ADARB1: variants seen among roughly 807,000 people sequenced by gnomAD.
ADARB1 encodes the protein adenosine deaminase RNA specific B1.
In ADARB1, 10 loss-of-function variants were observed where a neutral mutation model predicts 52.4. That is an observed-to-expected ratio of 0.19 (90% CI 0.12 to 0.32). The LOEUF is 0.32. ADARB1 is among the 10% of genes least tolerant of loss of function. The probability of loss-of-function intolerance (pLI) is 1.00; values close to 1 mark genes in which losing one functional copy is unlikely to be tolerated. For missense variants in ADARB1, 643 were observed against 922.3 expected (o/e 0.70, Z 3.92); for synonymous variants, 349 against 371.1 (o/e 0.94, Z 0.68).
chr21:45,135,832 C>T (rs1395336375), intron 2 of ADARB1, among the ~76,000 whole-genome samples: 1 of 152,186 alleles, frequency 6.6e-6, no homozygotes, highest in Non-Finnish European at 1.5e-5. Context: ...TCCTGGACTG[C>T]AGGTGGGCCC....
At chr21:45,127,803 C>T (rs1033106593) in intron 1 of ADARB1, among the ~76,000 whole-genome samples, 1 of 152,070 alleles carries the variant, frequency 6.6e-6, no homozygotes, top group Admixed American at 6.6e-5. Context: ...GTTTGCTTTT[C>T]AGGAAGAAAA....
chr21:45,225,276 G>A lies in ADARB1; in HGVS notation c.*3079G>A. On this transcript the variant is annotated 3_prime_UTR_variant, in exon 11 of 11. Coordinates refer to ENST00000348831, the MANE Select transcript of ADARB1 (RefSeq NM_001112.4). Reference sequence around the variant, plus strand: ...CCACCTTCCTCAGCTCTCATCACCTGGTCGTACGCCAGGCCCACCTCTTCC... The same window carrying A: ...CCACCTTCCTCAGCTCTCATCACCTAGTCGTACGCCAGGCCCACCTCTTCC... 1 of 1,159,886 alleles carries A rather than the reference G, an allele frequency of 8.6e-7. No homozygotes were observed. The highest frequency in any genetic ancestry group is 1.1e-6 in the Non-Finnish European group (1 of 942,596). The allele number at this position is 1,159,886 out of a possible 1,614,324, so 71.8% of individuals were successfully genotyped here. A position where few individuals can be genotyped will look rare whatever the true frequency, so the allele number is the denominator to read the frequency against.
Position 45,137,158 on chromosome 21 carries a change from A to G in ADARB1, c.-48+8585A>G, listed in dbSNP as rs183650467. On this transcript the variant is annotated intron_variant, in intron 2 of 10. Transcript: ENST00000348831. ...AAGACTGGTGTGTGTGTAAAAGGCA[A>G]GAAGTGAGAAGATTCACGTGTAGAT... 115 of 152,366 alleles carry G rather than the reference A, an allele frequency of 7.5e-4. 2 individuals are homozygous for G. Among genetic ancestry groups the G allele is most frequent in the Admixed American group, 7.5e-3 (115 of 15,306 alleles). The allele number at this position is 152,366 out of a possible 1,614,324, so 9.4% of individuals were successfully genotyped here.
Position 45,150,957 on chromosome 21 carries a change from G to A in ADARB1, c.-47-20653G>A, listed in dbSNP as rs144196909. Among the ~76,000 whole-genome samples, 332 of 152,344 alleles carry A rather than the reference G, an allele frequency of 2.2e-3. 2 individuals carry two copies. The highest frequency in any genetic ancestry group is 7.2e-3 in the African/African-American group (299 of 41,582). ...TTTTTACTTACAGGTCCTGAGCAGG[G>A]AGGGTGCCATGAGTCAGGAGGGCAG... is the stretch of plus-strand genomic sequence containing the variant. On this transcript the variant is annotated intron_variant, in intron 2 of 10. Transcript: ENST00000348831.
intron 2 of ADARB1, among the ~76,000 whole-genome samples, chr21:45,169,785 C>T (rs563296398): frequency 2.9e-4 from 44 of 152,364 alleles, no homozygotes; most frequent in Admixed American, 2.4e-3. Context: ...CTTGCCATCA[C>T]TTTGCCTGCA....
intron 8 of ADARB1, among the ~76,000 whole-genome samples, chr21:45,195,089 G>T (rs996386728): frequency 9.2e-5 from 14 of 152,168 alleles, no homozygotes; most frequent in Non-Finnish European, 1.9e-4. Flanking sequence ...CAGCAGTTCT[G>T]GTTTTGGGCC....
chr21:45,099,363 A>T (rs983621948), intron 1 of ADARB1, among the ~76,000 whole-genome samples: 2 of 152,116 alleles, frequency 1.3e-5, no homozygotes, highest in South Asian at 4.1e-4. Context: ...AAGCCTTTTT[A>T]AAAAAATAAT....
chr21:45,096,885 G>A (rs554945518), intron 1 of ADARB1, among the ~76,000 whole-genome samples: 6 of 152,244 alleles, frequency 3.9e-5, no homozygotes, highest in South Asian at 2.1e-4. Flanking sequence ...AACCACAGGC[G>A]CCTGCCACCA....
chr21:45,109,751 GCCCC>G (rs2087450661), intron 1 of ADARB1, among the ~76,000 whole-genome samples: 1 of 152,186 alleles, frequency 6.6e-6, no homozygotes, highest in Non-Finnish European at 1.5e-5. Flanking sequence ...ACGTCTTGAT[GCCCC>G]TCTTTCTGGA....
At chr21:45,193,990 T>C (rs2092365829) in intron 8 of ADARB1, among the ~76,000 whole-genome samples, 1 of 152,110 alleles carries the variant, frequency 6.6e-6, no homozygotes, top group East Asian at 1.9e-4. Context: ...CCAAAATCCA[T>C]ATGGAAATGC....
chr21:45,187,758 C>T (rs750396786), intron 8 of ADARB1, among the ~76,000 whole-genome samples: 30 of 152,298 alleles, frequency 2.0e-4, no homozygotes, highest in Middle Eastern at 6.8e-3. Flanking sequence ...GCTTTTTCTG[C>T]ATCAATTGAG....
chr21:45,193,144 AAC>A (rs1196210082), intron 8 of ADARB1, among the ~76,000 whole-genome samples: 3 of 152,226 alleles, frequency 2.0e-5, no homozygotes, highest in Non-Finnish European at 4.4e-5. Context: ...AAGAAAATAA[AAC>A]TACATGTTAA....
At chr21:45,218,924 G>C (rs772279353) in intron 9 of ADARB1, among the ~76,000 whole-genome samples, 2 of 152,138 alleles carry the variant, frequency 1.3e-5, no homozygotes, top group Non-Finnish European at 2.9e-5. Flanking sequence ...TTTGATTTTG[G>C]TGGCCTATAA....
intron 1 of ADARB1, chr21:45,120,962 A>G (rs1456291520): frequency 6.6e-6 from 1 of 152,168 alleles, no homozygotes; most frequent in East Asian, 1.9e-4. Flanking sequence ...TATTCTTGGT[A>G]TGTGTGTATT....
chr21:45,082,584 C>T (rs963273103), intron 1 of ADARB1, among the ~76,000 whole-genome samples: 3 of 152,190 alleles, frequency 2.0e-5, no homozygotes, highest in African/African-American at 7.2e-5. Context: ...CTCATTACCC[C>T]TATTTATCAG....
chr21:45,173,450 A>G (rs766810060), intron 3 of ADARB1, among the ~76,000 whole-genome samples: 62 of 152,152 alleles, frequency 4.1e-4, no homozygotes, highest in Admixed American at 1.2e-3. Context: ...TGAGGTGAAT[A>G]AGAATTTAGA....
rs972736973 is a variant in ADARB1, at chr21:45,223,365, C to T, written c.*1168C>T. 1.3e-5 allele frequency: 13 copies of T among 985,434 alleles called. No individual in the cohort carries two copies. The South Asian group carries it at 2.8e-4, about 21-fold the overall frequency. 61.0% of individuals were successfully genotyped at this position (985,434 alleles called of 1,614,324 possible). A position where few individuals can be genotyped will look rare whatever the true frequency, so the allele number is the denominator to read the frequency against. ...CTGACGGGAGCTCAGGGCTGCCCAG[C>T]GCCCAGCGTGCACGGGACGGCCCCA... On this transcript the variant is annotated 3_prime_UTR_variant, in exon 11 of 11. Transcript: ENST00000348831.
At chr21:45,165,564 T>C (rs575678225) in intron 2 of ADARB1, among the ~76,000 whole-genome samples, 1 of 152,320 alleles carries the variant, frequency 6.6e-6, no homozygotes, top group Admixed American at 6.5e-5. Flanking sequence ...TTGGAACACT[T>C]CAGTGATATT....
chr21:45,094,970 C>G (rs1342031227), intron 1 of ADARB1, among the ~76,000 whole-genome samples: 4 of 152,196 alleles, frequency 2.6e-5, no homozygotes, highest in Non-Finnish European at 5.9e-5. Context: ...TGCTGGGCAC[C>G]TTCTCCACTA....
Sources: allele counts gnomAD v4.1 joint callset (sites outside exome capture counted in the v4.1 genomes callset), GRCh38; gene constraint gnomAD v4.1.1; transcripts MANE v1.5; gene names NCBI Gene and HGNC (gene_info 2026-07-23, HGNC 2026-07-21).